Variants in CCDC93 observed in about 807,000 individuals in gnomAD.
The protein encoded by CCDC93 is CCC complex scaffolding subunit CCDC93.
A neutral mutation model predicts 108.2 loss-of-function variants in CCDC93; 61 were observed. The observed-to-expected ratio is 0.56, with a 90% confidence interval of 0.46 to 0.70. The LOEUF is 0.70. CCDC93 is among the 30% of genes least tolerant of loss of function. The probability of loss-of-function intolerance (pLI) is 0.00; values close to 1 mark genes in which losing one functional copy is unlikely to be tolerated. For synonymous variants in CCDC93, 276 were observed against 260.4 expected (o/e 1.06, Z -0.58); for missense variants, 685 against 764.2 (o/e 0.90, Z 1.22).
intron 18 of CCDC93, among the ~76,000 whole-genome samples, chr2:117,943,753 T>C (rs981891457): frequency 6.6e-6 from 1 of 152,248 alleles, no homozygotes; most frequent in Non-Finnish European, 1.5e-5. Context: ...AATTTCTTCA[T>C]AAAGAAAATG....
rs200034813 is a variant in CCDC93 at position 117,949,398 on chromosome 2, G to A, written c.1069-3C>T. The A allele has an allele frequency of 2.4e-5, 38 of 1,608,198 alleles. No homozygotes were observed. In the African/African-American group the frequency reaches 4.5e-4, roughly 19 times the overall value. On this transcript the variant is annotated splice_polypyrimidine_tract_variant and splice_region_variant and intron_variant, in intron 13 of 23. Coordinates refer to ENST00000376300, the MANE Select transcript of CCDC93 (RefSeq NM_019044.5). ...AGTTTCTCACTGTAAGTCTTCAGCT[G>A]CAAGAGAGAATGAAGACATGGTTGC...
chr2:117,958,710 A>C (rs1210368660), intron 11 of CCDC93, among the ~76,000 whole-genome samples: 2 of 152,226 alleles, frequency 1.3e-5, no homozygotes, highest in African/African-American at 4.8e-5. Context: ...AGCATGTGTA[A>C]AAAAGTACAG....
intron 1 of CCDC93, among the ~76,000 whole-genome samples, chr2:118,009,324 T>C (rs1676961741): frequency 6.6e-6 from 1 of 151,710 alleles, no homozygotes; most frequent in Admixed American, 6.6e-5. Flanking sequence ...TGAGCCAAGA[T>C]CGTACCACCG....
chr2:117,986,516 T>G (rs1680324892), intron 6 of CCDC93, among the ~76,000 whole-genome samples: 1 of 151,990 alleles, frequency 6.6e-6, no homozygotes, highest in Non-Finnish European at 1.5e-5. Context: ...TCCCCACATC[T>G]CTCTTCTTCC....
intron 15 of CCDC93, 123 bp downstream of exon 15, chr2:117,947,982 C>G: frequency 2.6e-6 from 2 of 768,854 alleles, no homozygotes; most frequent in Non-Finnish European, 4.4e-6. Context: ...GCATGAGCCA[C>G]TGCGCCTGGC....
chr2:117,932,211 G>C (rs1423138943), intron 22 of CCDC93, among the ~76,000 whole-genome samples: 1 of 152,210 alleles, frequency 6.6e-6, no homozygotes, highest in African/African-American at 2.4e-5. Flanking sequence ...TTACGGTACA[G>C]ACCGGGTGCC....
intron 23 of CCDC93, 61 bp downstream of exon 23, chr2:117,930,976 A>T: frequency 9.1e-7 from 1 of 1,094,614 alleles, no homozygotes; most frequent in Non-Finnish European, 1.3e-6. Flanking sequence ...TTTAGTGGCT[A>T]CTTTTGAGGT....
At chr2:117,963,180 T>C (rs1679449030) in intron 11 of CCDC93, among the ~76,000 whole-genome samples, 1 of 152,138 alleles carries the variant, frequency 6.6e-6, no homozygotes, top group African/African-American at 2.4e-5. Context: ...GAAGTCAAAC[T>C]ACCATAAACA....
At position 117,974,842 on chromosome 2, in the gene CCDC93, C is replaced by T; in HGVS notation, c.801+8G>A. The T allele has an allele frequency of 6.4e-7, 1 of 1,568,480 alleles. No homozygotes were observed. Among genetic ancestry groups the T allele is most frequent in the Non-Finnish European group, 8.7e-7 (1 of 1,155,620 alleles). On this transcript the variant is annotated splice_region_variant and intron_variant, in intron 10 of 23. Transcript: ENST00000376300. ...CCCCATCCCCACACCTCCCCGACTCCCACTCACCTCCTCATTTGCCATAGC... is the reference window on the plus strand; with the variant it reads ...CCCCATCCCCACACCTCCCCGACTCTCACTCACCTCCTCATTTGCCATAGC...
At chr2:117,957,688 T>C (rs1679262696) in intron 12 of CCDC93, among the ~76,000 whole-genome samples, 1 of 152,222 alleles carries the variant, frequency 6.6e-6, no homozygotes. Flanking sequence ...CATGACTCCC[T>C]GGCCACAAAA....
At chr2:117,981,771 T>C (rs1319412142) in intron 7 of CCDC93, among the ~76,000 whole-genome samples, 1 of 152,164 alleles carries the variant, frequency 6.6e-6, no homozygotes, top group African/African-American at 2.4e-5. Context: ...AAATCAAAAT[T>C]CTGTTCCTGA....
At chr2:117,963,082 C>G (rs951714947) in intron 11 of CCDC93, among the ~76,000 whole-genome samples, 4 of 152,198 alleles carry the variant, frequency 2.6e-5, no homozygotes, top group Non-Finnish European at 4.4e-5. Flanking sequence ...CCTGAAAGAA[C>G]AGAGCTTCAA....
Position 117,918,212 on chromosome 2 carries a change from G to A in CCDC93, c.*2131C>T, listed in dbSNP as rs1436764686. The A allele has an allele frequency of 3.9e-5, 6 of 152,070 alleles. No individual in the cohort carries two copies. Among genetic ancestry groups the A allele is most frequent in the Non-Finnish European group, 8.8e-5 (6 of 68,046 alleles). The allele number at this position is 152,070 out of a possible 1,614,324, so 9.4% of individuals were successfully genotyped here. A position where few individuals can be genotyped will look rare whatever the true frequency, so the allele number is the denominator to read the frequency against. On this transcript the variant is annotated 3_prime_UTR_variant, in exon 24 of 24. Transcript: ENST00000376300. ...AAAGGCACTGTCCACACTGAGAGTT[G>A]TCTGCAGCAAGTGTGAAATTTGAGC... is the stretch of plus-strand genomic sequence containing the variant.
At position 117,946,898 on chromosome 2, in the gene CCDC93, G is replaced by A. The variant is rs766866942; in HGVS notation, c.1225-16C>T. On this transcript the variant is annotated splice_polypyrimidine_tract_variant and intron_variant, in intron 15 of 23. Transcript: ENST00000376300. Reference sequence around the variant, plus strand: ...TCATCTCCTCCTTTAAAAGTGACATGAACTTTTACAAAATTCAGACAAGGA... The same window carrying A: ...TCATCTCCTCCTTTAAAAGTGACATAAACTTTTACAAAATTCAGACAAGGA... 6.3e-7 allele frequency: 1 copy of A among 1,589,968 alleles called. No homozygotes were observed. The highest frequency in any genetic ancestry group is 1.3e-5 in the African/African-American group (1 of 74,532).
intron 13 of CCDC93, chr2:117,951,481 G>C: frequency 2.0e-6 from 2 of 987,582 alleles, no homozygotes; most frequent in Non-Finnish European, 2.4e-6. Context: ...GCTACATATC[G>C]CTACAGAGTA....
chr2:118,013,331 G>A (rs1677070539), intron 1 of CCDC93, among the ~76,000 whole-genome samples: 1 of 152,216 alleles, frequency 6.6e-6, no homozygotes, highest in Non-Finnish European at 1.5e-5. Flanking sequence ...CAGCACCCCT[G>A]GAGTGCGTCC....
chr2:117,992,075 G>A (rs920851330), intron 6 of CCDC93, among the ~76,000 whole-genome samples: 2 of 152,120 alleles, frequency 1.3e-5, no homozygotes, highest in East Asian at 1.9e-4. Context: ...TTAAGCAGAT[G>A]AGGAAAAGAA....
chr2:117,918,312 C>T lies in CCDC93; in HGVS notation c.*2031G>A, dbSNP rs1296431661. ...CTGATTTATCCGTAGTAGGCCTTGTCGATAAAAAAAAAAAGGGAATAGAGA... is the reference window on the plus strand; with the variant it reads ...CTGATTTATCCGTAGTAGGCCTTGTTGATAAAAAAAAAAAGGGAATAGAGA... On this transcript the variant is annotated 3_prime_UTR_variant, in exon 24 of 24. Transcript: ENST00000376300. 2.0e-5 allele frequency: 3 copies of T among 149,466 alleles called. No individual in the cohort carries two copies. Among genetic ancestry groups the T allele is most frequent in the African/African-American group, 7.4e-5 (3 of 40,560 alleles). 9.3% of individuals were successfully genotyped at this position (149,466 alleles called of 1,614,324 possible).
At chr2:117,954,055 C>T (rs770781479) in intron 12 of CCDC93, among the ~76,000 whole-genome samples, 46 of 152,134 alleles carry the variant, frequency 3.0e-4, no homozygotes, top group Admixed American at 1.8e-3. Flanking sequence ...CAAATTACCA[C>T]GTCTAAGGTA....
Sources: allele counts gnomAD v4.1 joint callset (sites outside exome capture counted in the v4.1 genomes callset), GRCh38; gene constraint gnomAD v4.1.1; transcripts MANE v1.5; gene names NCBI Gene and HGNC (gene_info 2026-07-23, HGNC 2026-07-21).